KLHL3: variants seen among roughly 807,000 people sequenced by gnomAD.
KLHL3 encodes the protein kelch-like protein 3.
A neutral mutation model predicts 70.5 loss-of-function variants in KLHL3; 19 were observed. The observed-to-expected ratio is 0.27, with a 90% CI of 0.19 to 0.40. The LOEUF (loss-of-function observed/expected upper bound fraction) is 0.40. Ranked by LOEUF, KLHL3 falls within the 10% of genes least tolerant of loss-of-function variation. The pLI is 1.00. For missense variants in KLHL3, 512 were observed against 771.1 expected (o/e 0.66, Z 3.98); for synonymous variants, 258 against 290.3 (o/e 0.89, Z 1.13).
At chr5:137,637,175 C>T in intron 11 of KLHL3, 119 bp downstream of exon 11, 1 of 740,236 alleles carries the variant, frequency 1.4e-6, no homozygotes, top group Non-Finnish European at 2.3e-6. Context: ...AGTACCTAAC[C>T]CAGAGGAGTG....
chr5:137,728,532 A>C (rs1273647714), intron 1 of KLHL3, among the ~76,000 whole-genome samples: 2 of 152,130 alleles, frequency 1.3e-5, no homozygotes, highest in Non-Finnish European at 2.9e-5. Context: ...GATGACACAG[A>C]ATCAGGAGGA....
At position 137,637,368 on chromosome 5, in the gene KLHL3, T is replaced by C; in HGVS notation, c.1247A>G (p.Tyr416Cys). The change falls in exon 11 of 15, where the codon TAC (tyrosine) becomes TGC (cysteine). Residue 416 changes from tyrosine (Y) to cysteine (C), a missense_variant. Tyr to Cys is a radical substitution (Grantham distance 194). Coordinates refer to ENST00000309755, the MANE Select transcript of KLHL3 (RefSeq NM_017415.3). ...TGLASVEAYS[Y>C]KTNEWFFVAP... The stretch of plus-strand genomic sequence containing the variant: ...CACAAAGAACCACTCGTTGGTCTTG[T>C]AGCTGTAGGCTTCCACCGATGCTAG... 6.2e-7 allele frequency: 1 copy of C among 1,613,984 alleles called. No individual in the cohort carries two copies. Among genetic ancestry groups the C allele is most frequent in the Non-Finnish European group, 8.5e-7 (1 of 1,179,860 alleles).
rs1750536288 is a variant in KLHL3, at chr5:137,628,352, A to G, written c.1536T>C (p.Pro512=). Residue 512 remains proline, a synonymous_variant, in exon 13 of 15, where the codon CCT becomes CCC. Coordinates refer to ENST00000309755, the MANE Select transcript of KLHL3 (RefSeq NM_017415.3). The part of the protein sequence containing the change: ...LVRKSVEVYD[P]GTNTWKQVAD... Reference sequence around the variant, plus strand: ...CCACTTGCTTCCAGGTATTTGTTCCAGGATCGTAAACCTCAACGCTCTTCC... The same window carrying G: ...CCACTTGCTTCCAGGTATTTGTTCCGGGATCGTAAACCTCAACGCTCTTCC... The G allele has an allele frequency of 6.2e-7, 1 of 1,614,188 alleles. No individual in the cohort carries two copies.
intron 4 of KLHL3, among the ~76,000 whole-genome samples, chr5:137,696,342 G>T (rs1032137794): frequency 6.7e-6 from 1 of 148,476 alleles, no homozygotes; most frequent in Admixed American, 6.7e-5. Context: ...AGGTGGGGGG[G>T]TATATAGATG....
At chr5:137,641,298 C>A (rs1436122355) in intron 8 of KLHL3, among the ~76,000 whole-genome samples, 1 of 152,170 alleles carries the variant, frequency 6.6e-6, no homozygotes, top group African/African-American at 2.4e-5. Context: ...CAAACTTGAG[C>A]ATACATCAGA....
chr5:137,626,996 CAAA>C (rs150828371), intron 13 of KLHL3, among the ~76,000 whole-genome samples: 1 of 145,294 alleles, frequency 6.9e-6, no homozygotes, highest in East Asian at 2.1e-4. Flanking sequence ...GATCCTGTCT[CAAA>C]AAAAAAAAAA....
At position 137,699,651 on chromosome 5, in the gene KLHL3, C is replaced by T. The variant is rs534964797; in HGVS notation, c.242-1243G>A. 2.0e-5 allele frequency among the ~76,000 whole-genome samples: 3 copies of T among 152,266 alleles called. No homozygotes were observed. The East Asian group carries it at 5.8e-4, about 29-fold the overall frequency. On this transcript the variant is annotated intron_variant, in intron 3 of 14. Coordinates refer to ENST00000309755, the MANE Select transcript of KLHL3 (RefSeq NM_017415.3). ...CAGCCTGCACTCTATATACAACACACGGGTTTATCGAAAGCCAGGCCCATT... is the reference window on the plus strand; with the variant it reads ...CAGCCTGCACTCTATATACAACACATGGGTTTATCGAAAGCCAGGCCCATT...
chr5:137,704,765 C>T lies in KLHL3; in HGVS notation c.241+4985G>A, dbSNP rs577346804. ...GCCAAATTCCTGCTCAAGAAACTTG[C>T]CATTTCTGCATCAAGGGTAACATTA... On this transcript the variant is annotated intron_variant, in intron 3 of 14. Transcript: ENST00000309755. Among the ~76,000 whole-genome samples the T allele has an allele frequency of 8.5e-5, 13 of 152,292 alleles. No individual in the cohort carries two copies. In the South Asian group the frequency reaches 2.7e-3, roughly 32 times the overall value.
chr5:137,720,796 A>G, intron 1 of KLHL3: 1 of 1,395,708 alleles, frequency 7.2e-7, no homozygotes, highest in Non-Finnish European at 9.3e-7. Context: ...GTCATAGCTC[A>G]GCTTCTTCCA....
intron 8 of KLHL3, among the ~76,000 whole-genome samples, chr5:137,642,056 T>C (rs1201763570): frequency 2.0e-5 from 3 of 152,236 alleles, no homozygotes; most frequent in Non-Finnish European, 4.4e-5. Flanking sequence ...ACACAGCCCC[T>C]TGGCAAACAC....
Position 137,703,346 on chromosome 5 carries a change from C to T in KLHL3, c.242-4938G>A, listed in dbSNP as rs562330707. 5.3e-5 allele frequency among the ~76,000 whole-genome samples: 8 copies of T among 152,320 alleles called. No individual in the cohort carries two copies. The East Asian group carries it at 9.7e-4, about 18-fold the overall frequency. On this transcript the variant is annotated intron_variant, in intron 3 of 14. Coordinates refer to ENST00000309755, the MANE Select transcript of KLHL3 (RefSeq NM_017415.3). ...AAGATGGTTATGGAACTTTCTTCCC[C>T]CCAACCCTCATCTAAGTCCTAAAAT...
At chr5:137,637,261 AG>A (rs1451936776) in intron 11 of KLHL3, 32 bp downstream of exon 11, 1 of 1,554,876 alleles carries the variant, frequency 6.4e-7, no homozygotes, top group Non-Finnish European at 8.9e-7. Context: ...TGGGCCAGGT[AG>A]GCCTGGCCAC....
At chr5:137,693,033 C>A (rs1752361647) in intron 4 of KLHL3, among the ~76,000 whole-genome samples, 1 of 152,176 alleles carries the variant, frequency 6.6e-6, no homozygotes, top group African/African-American at 2.4e-5. Flanking sequence ...GAGCCACTGT[C>A]CCACAACCTT....
At chr5:137,659,959 C>T (rs1022820281) in intron 7 of KLHL3, among the ~76,000 whole-genome samples, 10 of 152,150 alleles carry the variant, frequency 6.6e-5, no homozygotes, top group African/African-American at 2.4e-4. Context: ...AGAAGTCAGG[C>T]AGTGTTGGTG....
rs1251125322 is a variant in KLHL3, at chr5:137,618,239, T to C, written c.*3859A>G. 1.3e-5 allele frequency: 2 copies of C among 152,496 alleles called. No homozygotes were observed. Among genetic ancestry groups the C allele is most frequent in the South Asian group, 2.1e-4 (1 of 4,830 alleles). 9.4% of individuals were successfully genotyped at this position (152,496 alleles called of 1,614,324 possible). A position where few individuals can be genotyped will look rare whatever the true frequency, so the allele number is the denominator to read the frequency against. On this transcript the variant is annotated 3_prime_UTR_variant, in exon 15 of 15. Coordinates refer to ENST00000309755, the MANE Select transcript of KLHL3 (RefSeq NM_017415.3). ...AAACAGAGCCTTTAAAAACTCCAAC[T>C]AACTGGAATATGAGTTTGCTCAGCC...
chr5:137,660,706 C>A (rs193234907), intron 7 of KLHL3: 1 of 152,188 alleles, frequency 6.6e-6, no homozygotes, highest in African/African-American at 2.4e-5. Flanking sequence ...GTGTCACCTG[C>A]TACTAAGAAT....
intron 8 of KLHL3, among the ~76,000 whole-genome samples, chr5:137,649,231 G>A (rs991822687): frequency 4.6e-5 from 7 of 152,202 alleles, no homozygotes; most frequent in Non-Finnish European, 1.0e-4. Flanking sequence ...CCTTAAGTGT[G>A]GGCTAGACTT....
chr5:137,657,249 A>G (rs1751365923), intron 8 of KLHL3, among the ~76,000 whole-genome samples: 1 of 152,160 alleles, frequency 6.6e-6, no homozygotes, highest in Admixed American at 6.5e-5. Flanking sequence ...GGACAAAGCA[A>G]GGGCCTAAAT....
At position 137,621,918 on chromosome 5, in the gene KLHL3, G is replaced by A. The variant is rs1385314110; in HGVS notation, c.*180C>T. 1 of 675,800 alleles carries A rather than the reference G, an allele frequency of 1.5e-6. No homozygotes were observed. Among genetic ancestry groups the A allele is most frequent in the Non-Finnish European group, 2.7e-6 (1 of 373,118 alleles). The allele number at this position is 675,800 out of a possible 1,614,324, so 41.9% of individuals were successfully genotyped here. On this transcript the variant is annotated 3_prime_UTR_variant, in exon 15 of 15. Coordinates refer to ENST00000309755, the MANE Select transcript of KLHL3 (RefSeq NM_017415.3). ...AGGCCAGAGCACCTCAGGGGAACGGGGGTGGGTAATGGTGTCCACACTGCG... is the reference window on the plus strand; with the variant it reads ...AGGCCAGAGCACCTCAGGGGAACGGAGGTGGGTAATGGTGTCCACACTGCG...
Sources: gnomAD v4.1 joint callset for allele counts (sites outside exome capture counted in the v4.1 genomes callset) on GRCh38, gnomAD v4.1.1 for gene constraint, MANE v1.5 for transcripts, NCBI Gene and HGNC (gene_info 2026-07-23, HGNC 2026-07-21) for gene names.